RAB5B: variants seen among roughly 807,000 people sequenced by gnomAD.
RAB5B encodes the protein RAB5B, member RAS oncogene family.
RAB5B carries 11 observed loss-of-function variants against 28.6 expected under a neutral mutation model. The observed-to-expected ratio is 0.38, with a 90% CI of 0.24 to 0.64. The LOEUF (loss-of-function observed/expected upper bound fraction) is 0.64. Ranked by LOEUF, RAB5B falls within the 30% of genes least tolerant of loss-of-function variation. RAB5B has a pLI of 0.53. For synonymous variants in RAB5B, 93 were observed against 97.9 expected (o/e 0.95, Z 0.29); for missense variants, 169 against 265.6 (o/e 0.64, Z 2.53).
intron 1 of RAB5B, among the ~76,000 whole-genome samples, chr12:55,984,014 G>A (rs1889882596): frequency 6.6e-6 from 1 of 150,404 alleles, no homozygotes; most frequent in Non-Finnish European, 1.5e-5. Context: ...CTTCTTCCCT[G>A]CCCCCGATCT....
In RAB5B at chr12:55,990,667, T is replaced by C. The variant is rs760017490; in HGVS notation, c.316-15T>C. On this transcript the variant is annotated splice_polypyrimidine_tract_variant and intron_variant, in intron 3 of 5. Coordinates refer to ENST00000360299, the MANE Select transcript of RAB5B (RefSeq NM_002868.4). ...CAGTCATTCCAGCCTACTCATTCTCTTCATGTTTTCCTAGGAAACCTTTGC... is the reference window on the plus strand; with the variant it reads ...CAGTCATTCCAGCCTACTCATTCTCCTCATGTTTTCCTAGGAAACCTTTGC... The C allele has an allele frequency of 2.0e-5, 32 of 1,612,962 alleles. No individual in the cohort carries two copies. Among genetic ancestry groups the C allele is most frequent in the Non-Finnish European group, 2.5e-5 (29 of 1,179,344 alleles).
chr12:55,985,840 C>G, intron 1 of RAB5B: 1 of 381,300 alleles, frequency 2.6e-6, no homozygotes, highest in Non-Finnish European at 5.3e-6. Flanking sequence ...GTAGGTCAAG[C>G]TTACTGATTC....
At chr12:55,978,859 G>A (rs560205272) in intron 1 of RAB5B, among the ~76,000 whole-genome samples, 2 of 147,762 alleles carry the variant, frequency 1.4e-5, no homozygotes, top group Middle Eastern at 3.4e-3. Flanking sequence ...TGCAACCTCC[G>A]CCTCCCGGGC....
intron 1 of RAB5B, 47 bp from the exon 2 acceptor site, chr12:55,986,822 G>A: frequency 1.4e-6 from 1 of 694,366 alleles, no homozygotes; most frequent in Non-Finnish European, 2.5e-6. Flanking sequence ...AGCGATTGCA[G>A]CTTCAATGGA....
At chr12:55,983,699 G>GC in intron 1 of RAB5B, among the ~76,000 whole-genome samples, 1 of 133,586 alleles carries the variant, frequency 7.5e-6, no homozygotes, top group Non-Finnish European at 1.5e-5. Context: ...TTGTTCTGTC[G>GC]CCCAGGCTGG....
chr12:55,980,484 G>A, intron 1 of RAB5B: 1 of 1,592,142 alleles, frequency 6.3e-7, no homozygotes, highest in Non-Finnish European at 8.6e-7. Flanking sequence ...GTACTGGGAG[G>A]CTTGTTGCCG....
chr12:55,988,500 TTTTA>T (rs1285472210), intron 2 of RAB5B, among the ~76,000 whole-genome samples: 3 of 152,102 alleles, frequency 2.0e-5, no homozygotes, highest in South Asian at 2.1e-4. Context: ...CCCTTGTTAT[TTTTA>T]TTTATTTATT....
Position 55,986,911 on chromosome 12 carries a change from C to CT in RAB5B, c.-47dup. The CT allele has an allele frequency of 5.3e-6, 4 of 752,524 alleles. No individual in the cohort carries two copies. Among genetic ancestry groups the CT allele is most frequent in the South Asian group, 1.5e-5 (1 of 68,164 alleles). The allele number at this position is 752,524 out of a possible 1,614,324, so 46.6% of individuals were successfully genotyped here. A position where few individuals can be genotyped will look rare whatever the true frequency, so the allele number is the denominator to read the frequency against. ...AATCCCCTCCCCTTCCCCCTCCCCC[C>CT]TTTACAGTATCCCCCTCCCTCCACC... On this transcript the variant is annotated 5_prime_UTR_variant, in exon 2 of 6. Transcript: ENST00000360299.
At chr12:55,980,157 G>C (rs1211959088) in intron 1 of RAB5B, among the ~76,000 whole-genome samples, 3 of 152,046 alleles carry the variant, frequency 2.0e-5, no homozygotes, top group Non-Finnish European at 4.4e-5. Flanking sequence ...TCTGAAGCCT[G>C]AGGCATCTCT....
Position 55,987,035 on chromosome 12 carries a change from G to T in RAB5B, c.75G>T (p.Leu25=), listed in dbSNP as rs1565788181. Residue 25 remains leucine (L), a synonymous_variant, in exon 2 of 6, where the codon CTG becomes CTT. Coordinates refer to ENST00000360299, the MANE Select transcript of RAB5B (RefSeq NM_002868.4). ...ASKICQFKLV[L]LGESAVGKSS... is the part of the protein sequence containing the mutation. The stretch of plus-strand genomic sequence containing the variant: ...AAATTTGCCAGTTCAAATTGGTCCT[G>T]CTGGGAGAATCTGCAGTGGGAAAGT... The T allele has an allele frequency of 6.2e-7, 1 of 1,613,926 alleles. No individual in the cohort carries two copies. Among genetic ancestry groups the T allele is most frequent in the Admixed American group, 1.7e-5 (1 of 59,984 alleles).
intron 1 of RAB5B, among the ~76,000 whole-genome samples, chr12:55,982,313 A>G (rs935408853): frequency 6.6e-6 from 1 of 151,758 alleles, no homozygotes; most frequent in East Asian, 1.9e-4. Context: ...ATTGAATCTT[A>G]TATGTATTAT....
In RAB5B at chr12:55,992,104, G is replaced by A; in HGVS notation, c.540G>A (p.Lys180=). 6.2e-7 allele frequency: 1 copy of A among 1,613,904 alleles called. No individual in the cohort carries two copies. Among genetic ancestry groups the A allele is most frequent in the Non-Finnish European group, 8.5e-7 (1 of 1,179,818 alleles). ...VNDLFLAIAK[K]LPKSEPQNLG... Reference sequence around the variant, plus strand: ...TTCTCTTTTTATCTCTAGCTAAGAAGTTGCCAAAGAGTGAACCCCAGAATC... The same window carrying A: ...TTCTCTTTTTATCTCTAGCTAAGAAATTGCCAAAGAGTGAACCCCAGAATC... The change falls in exon 6 of 6, where the codon AAG becomes AAA. Residue 180 remains lysine, a synonymous_variant. Transcript: ENST00000360299.
At chr12:55,978,865 C>T (rs937585193) in intron 1 of RAB5B, among the ~76,000 whole-genome samples, 7 of 151,760 alleles carry the variant, frequency 4.6e-5, no homozygotes, top group Admixed American at 1.3e-4. Context: ...CTCCGCCTCC[C>T]GGGCTCAAGC....
At chr12:55,979,475 G>T (rs1373059835) in intron 1 of RAB5B, 1 of 152,140 alleles carries the variant, frequency 6.6e-6, no homozygotes, top group Non-Finnish European at 1.5e-5. Context: ...GGAGATGAAG[G>T]TATTTACTGG....
intron 1 of RAB5B, among the ~76,000 whole-genome samples, chr12:55,976,461 G>C (rs1168869670): frequency 6.6e-6 from 1 of 152,146 alleles, no homozygotes; most frequent in Admixed American, 6.5e-5. Flanking sequence ...CAAAGAGATG[G>C]AACAAAACTT....
chr12:55,991,975 A>T (rs1005556193), intron 5 of RAB5B, 122 bp from the exon 6 acceptor site: 1 of 703,112 alleles, frequency 1.4e-6, no homozygotes, highest in African/African-American at 1.8e-5. Flanking sequence ...TCTTCAGAAC[A>T]TTCTTTTAAT....
At chr12:55,989,297 G>A (rs71447768) in intron 2 of RAB5B, among the ~76,000 whole-genome samples, 11,388 of 149,928 alleles carry the variant, frequency 0.076, 478 homozygotes, top group African/African-American at 0.082. Flanking sequence ...TTTTTGAGAC[G>A]GAGTTCCGCT....
At chr12:55,991,318 C>T in intron 4 of RAB5B, 42 bp from the exon 5 acceptor site, 1 of 1,486,428 alleles carries the variant, frequency 6.7e-7, no homozygotes, top group Non-Finnish European at 9.4e-7. Context: ...ATACTCGTTC[C>T]CACCCTACAT....
At chr12:55,986,568 T>C (rs1889957017) in intron 1 of RAB5B, among the ~76,000 whole-genome samples, 1 of 152,194 alleles carries the variant, frequency 6.6e-6, no homozygotes, top group Non-Finnish European at 1.5e-5. Flanking sequence ...TCACTTTGTG[T>C]GACTCAAACA....
Sources: allele counts gnomAD v4.1 joint callset (sites outside exome capture counted in the v4.1 genomes callset), GRCh38; gene constraint gnomAD v4.1.1; transcripts MANE v1.5; gene names NCBI Gene and HGNC (gene_info 2026-07-23, HGNC 2026-07-21).